GRM7: variants seen among roughly 807,000 people sequenced by gnomAD.
GRM7 encodes the protein metabotropic glutamate receptor 7.
In GRM7, 35 loss-of-function variants were observed where a neutral mutation model predicts 84.5. The ratio of observed to expected loss-of-function variants is 0.41; its 90% CI spans 0.32 to 0.55. The LOEUF (loss-of-function observed/expected upper bound fraction) is 0.55, where lower values mean the gene tolerates loss of function less well. GRM7 is among the 20% of genes least tolerant of loss of function. GRM7 has a pLI of 0.19. For synonymous variants in GRM7, 487 were observed against 455.1 expected (o/e 1.07, Z -0.89); for missense variants, 1,003 against 1,194.6 (o/e 0.84, Z 2.36).
chr3:6,945,004 G>A (rs1322019332), intron 1 of GRM7, among the ~76,000 whole-genome samples: 2 of 151,724 alleles, frequency 1.3e-5, no homozygotes, highest in African/African-American at 2.4e-5. Context: ...TTCTGATACT[G>A]GTAATTTGTG....
chr3:7,594,626 G>A (rs751122242), intron 8 of GRM7, among the ~76,000 whole-genome samples: 44 of 152,026 alleles, frequency 2.9e-4, no homozygotes, highest in Non-Finnish European at 5.6e-4. Context: ...CTGTCTTCCC[G>A]ACAGGCCTCC....
At chr3:6,947,003 G>C (rs534247656) in intron 1 of GRM7, among the ~76,000 whole-genome samples, 4 of 152,302 alleles carry the variant, frequency 2.6e-5, no homozygotes, top group Non-Finnish European at 5.9e-5. Context: ...TGCAAACAGG[G>C]AGAATTTGAC....
chr3:7,259,586 A>G (rs1311724652), intron 2 of GRM7, among the ~76,000 whole-genome samples: 2 of 152,182 alleles, frequency 1.3e-5, no homozygotes, highest in East Asian at 3.9e-4. Flanking sequence ...GATGGCCTCT[A>G]GCTCCATCCA....
intron 9 of GRM7, among the ~76,000 whole-genome samples, chr3:7,688,856 G>C (rs1395775936): frequency 6.6e-6 from 1 of 152,182 alleles, no homozygotes; most frequent in Non-Finnish European, 1.5e-5. Flanking sequence ...TTCAAATTCA[G>C]ATGGAACATA....
chr3:7,227,740 G>A (rs1697029363), intron 2 of GRM7, among the ~76,000 whole-genome samples: 2 of 152,108 alleles, frequency 1.3e-5, no homozygotes, highest in Admixed American at 1.3e-4. Flanking sequence ...CCACATGTTG[G>A]TTATCTCTAG....
chr3:6,994,471 CAA>C (rs1440237489), intron 1 of GRM7, among the ~76,000 whole-genome samples: 13 of 152,280 alleles, frequency 8.5e-5, no homozygotes, highest in African/African-American at 3.1e-4. Flanking sequence ...TAACAATGTT[CAA>C]AGAGTCCACA....
At chr3:7,558,190 T>A (rs911432473) in intron 7 of GRM7, among the ~76,000 whole-genome samples, 10 of 152,142 alleles carry the variant, frequency 6.6e-5, no homozygotes, top group African/African-American at 2.4e-4. Context: ...AAATTTACAT[T>A]TAATGCTTGA....
intron 1 of GRM7, among the ~76,000 whole-genome samples, chr3:7,131,724 G>A (rs145858643): frequency 3.3e-5 from 5 of 152,130 alleles, no homozygotes; most frequent in East Asian, 3.9e-4. Flanking sequence ...TGATCCACCC[G>A]TCTCGGCCTC....
intron 2 of GRM7, among the ~76,000 whole-genome samples, chr3:7,268,244 G>A (rs767707884): frequency 1.3e-5 from 2 of 152,080 alleles, no homozygotes; most frequent in Admixed American, 6.5e-5. Context: ...GCTTATGCCT[G>A]TAATCCCAGC....
chr3:7,351,342 A>G (rs1198169575), intron 4 of GRM7, among the ~76,000 whole-genome samples: 19 of 149,532 alleles, frequency 1.3e-4, no homozygotes, highest in South Asian at 2.1e-4. Context: ...CACAGGCGAA[A>G]AAAAAAAAAA....
intron 8 of GRM7, among the ~76,000 whole-genome samples, chr3:7,604,060 C>T (rs976587076): frequency 2.7e-5 from 4 of 150,642 alleles, no homozygotes; most frequent in African/African-American, 7.3e-5. Context: ...GTAAATTAGT[C>T]GCAAGTTACA....
chr3:7,358,579 A>G lies in GRM7; in HGVS notation c.1033+51927A>G, dbSNP rs1693513063. On this transcript the variant is annotated intron_variant, in intron 4 of 9. Transcript: ENST00000357716. The stretch of plus-strand genomic sequence containing the variant: ...ATATTTTAATCTCATAAAGGTTCTG[A>G]GAAGTCCCGAAATAAGTGAACCAAT... 4.7e-5 allele frequency among the ~76,000 whole-genome samples: 7 copies of G among 148,464 alleles called. 1 individual carries two copies. The South Asian group carries it at 1.1e-3, about 22-fold the overall frequency.
intron 8 of GRM7, among the ~76,000 whole-genome samples, chr3:7,664,800 A>ATAAT (rs1699614605): frequency 6.6e-6 from 1 of 152,182 alleles, no homozygotes; most frequent in African/African-American, 2.4e-5. Context: ...TGAAACTCAG[A>ATAAT]TAATTCCAAT....
chr3:7,286,703 A>G (rs1470051236), intron 2 of GRM7, among the ~76,000 whole-genome samples: 1 of 152,114 alleles, frequency 6.6e-6, no homozygotes, highest in Non-Finnish European at 1.5e-5. Context: ...GAATTTAAGG[A>G]TCTCTGCATG....
chr3:7,406,252 G>A (rs536371123), intron 4 of GRM7, among the ~76,000 whole-genome samples: 53 of 152,158 alleles, frequency 3.5e-4, no homozygotes, highest in Non-Finnish European at 7.1e-4. Context: ...TGTAATCCCA[G>A]CACTTTGGGA....
intron 2 of GRM7, among the ~76,000 whole-genome samples, chr3:7,208,727 A>G (rs1696322458): frequency 6.6e-6 from 1 of 152,138 alleles, no homozygotes; most frequent in East Asian, 1.9e-4. Flanking sequence ...ACATTCTTTC[A>G]TTTAACCAAA....
chr3:7,370,337 G>A (rs1362524704), intron 4 of GRM7, among the ~76,000 whole-genome samples: 2 of 151,994 alleles, frequency 1.3e-5, no homozygotes, highest in Non-Finnish European at 1.5e-5. Context: ...TGGATGATAT[G>A]GATCCAGATT....
intron 8 of GRM7, among the ~76,000 whole-genome samples, chr3:7,644,697 T>C (rs1698538673): frequency 6.6e-6 from 1 of 152,232 alleles, no homozygotes; most frequent in Admixed American, 6.5e-5. Flanking sequence ...CAAATTACCA[T>C]AGAAAATGTT....
chr3:7,443,740 T>C (rs916680072), intron 5 of GRM7, among the ~76,000 whole-genome samples: 1 of 152,184 alleles, frequency 6.6e-6, no homozygotes, highest in Non-Finnish European at 1.5e-5. Context: ...TGCAACACTT[T>C]AGAAAACACA....
Sources: allele counts gnomAD v4.1 joint callset (sites outside exome capture counted in the v4.1 genomes callset), GRCh38; gene constraint gnomAD v4.1.1; transcripts MANE v1.5; gene names NCBI Gene and HGNC (gene_info 2026-07-23, HGNC 2026-07-21).